CDH23: variants seen among roughly 807,000 people sequenced by gnomAD.
CDH23 encodes the protein cadherin related 23.
CDH23 carries 189 observed loss-of-function variants against 317.1 expected under a neutral mutation model. The ratio of observed to expected loss-of-function variants is 0.60; its 90% CI spans 0.53 to 0.67. The LOEUF (loss-of-function observed/expected upper bound fraction) is 0.67. Among genes scored for constraint, CDH23 ranks in the 30% least tolerant of loss-of-function variants. The pLI is 0.00. For missense variants in CDH23, 4,401 were observed against 4,592.4 expected (o/e 0.96, Z 1.20); for synonymous variants, 1,839 against 1,876.8 (o/e 0.98, Z 0.52).
intron 32 of CDH23, 68 bp downstream of exon 32, chr10:71,732,443 G>A (rs1379634240): frequency 6.5e-7 from 1 of 1,541,106 alleles, no homozygotes; most frequent in Non-Finnish European, 8.8e-7. Context: ...CTCCTTCTGT[G>A]TGCACAGCAC....
intron 22 of CDH23, 109 bp from the exon 23 acceptor site, chr10:71,701,913 A>C: frequency 8.5e-7 from 1 of 1,170,508 alleles, no homozygotes; most frequent in Non-Finnish European, 1.2e-6. Context: ...GGCCAGAGCC[A>C]GGATGTCCCC....
chr10:71,724,197 C>A, intron 29 of CDH23, 92 bp downstream of exon 29: 1 of 1,362,698 alleles, frequency 7.3e-7, no homozygotes, highest in Non-Finnish European at 1.0e-6. Context: ...GAGATGAGGC[C>A]AAGAGAACCC....
In CDH23 at chr10:71,583,425, C is replaced by G. The variant is rs116788020; in HGVS notation, c.832+5433C>G. Among the ~76,000 whole-genome samples the G allele has an allele frequency of 9.8e-3, 1,483 of 151,912 alleles. 26 individuals carry two copies. Among genetic ancestry groups the G allele is most frequent in the African/African-American group, 0.034 (1,413 of 41,390 alleles). On this transcript the variant is annotated intron_variant, in intron 9 of 69. Transcript: ENST00000224721. Reference sequence around the variant, plus strand: ...TTGCGTTTGGGAAGCCCACTGTGGTCAAGGTGGAGCAGACAGGTTGGGGGA... The same window carrying G: ...TTGCGTTTGGGAAGCCCACTGTGGTGAAGGTGGAGCAGACAGGTTGGGGGA...
intron 28 of CDH23, chr10:71,716,609 C>A: frequency 2.6e-6 from 1 of 379,854 alleles, no homozygotes; most frequent in Admixed American, 4.2e-5. Flanking sequence ...GACAAGAGGG[C>A]GGTGGCCTGT....
In CDH23 at chr10:71,609,951, CGTGTGTGTGT is replaced by C. The variant is rs34311857; in HGVS notation, c.833-5517_833-5508del. Among the ~76,000 whole-genome samples the C allele has an allele frequency of 4.0e-3, 578 of 142,868 alleles. 4 individuals carry two copies. The highest frequency in any genetic ancestry group is 0.019 in the South Asian group (82 of 4,232). The allele number at this position is 142,868 out of a possible 152,430, so 93.7% of individuals were successfully genotyped here. ...TTTCCAGAATGTGTAAGGACTCCCC[CGTGTGTGTGT>C]GTGTGTGTGTGTGTGTGTGTGTGTG... On this transcript the variant is annotated intron_variant, in intron 9 of 69. Transcript: ENST00000224721.
intron 3 of CDH23, among the ~76,000 whole-genome samples, chr10:71,489,534 T>C (rs191059524): frequency 1.6e-4 from 24 of 152,248 alleles, no homozygotes; most frequent in Admixed American, 1.4e-3. Context: ...ATCTGAACTA[T>C]TTGAGGGCCT....
intron 6 of CDH23, among the ~76,000 whole-genome samples, chr10:71,555,845 C>G (rs1296368517): frequency 6.6e-6 from 1 of 152,152 alleles, no homozygotes; most frequent in African/African-American, 2.4e-5. Flanking sequence ...TCTGATGAGA[C>G]TCCACCTAGC....
chr10:71,761,835 G>A (rs751445086), intron 38 of CDH23: 44 of 1,614,016 alleles, frequency 2.7e-5, no homozygotes, highest in South Asian at 2.6e-4. Flanking sequence ...TGGAACGTGA[G>A]GTTGCGGATG....
intron 8 of CDH23, among the ~76,000 whole-genome samples, chr10:71,571,788 C>T (rs1200273469): frequency 6.6e-6 from 1 of 152,242 alleles, no homozygotes; most frequent in Non-Finnish European, 1.5e-5. Context: ...TGAGAGAACT[C>T]AGTGTGCTTA....
At chr10:71,777,441 G>A (rs1027710417) in intron 38 of CDH23, among the ~76,000 whole-genome samples, 6 of 151,934 alleles carry the variant, frequency 3.9e-5, no homozygotes, top group African/African-American at 7.3e-5. Context: ...GCTGGGGGTC[G>A]CAGACATAGG....
chr10:71,809,960 C>T lies in CDH23; in HGVS notation c.8863C>T (p.Gln2955Ter). The change falls in exon 61 of 70, where the codon CAG becomes TAG. Residue 2955 changes from glutamine to a stop codon, truncating the protein, a stop_gained. Coordinates refer to ENST00000224721, the MANE Select transcript of CDH23 (RefSeq NM_022124.6). LOFTEE classifies it high-confidence loss of function. ...CGGCATCTACATCCTGAGGGACGAC[C>T]AGCGCGTCAAGATCGTCATTAACGA... ...IIGIYILRDD[Q>*]RVKIVINEIP... is the part of the protein sequence containing the mutation. The T allele has an allele frequency of 6.2e-7, 1 of 1,612,348 alleles. No individual in the cohort carries two copies. Among genetic ancestry groups the T allele is most frequent in the Non-Finnish European group, 8.5e-7 (1 of 1,179,884 alleles).
chr10:71,718,529 A>G (rs925259190), intron 28 of CDH23, among the ~76,000 whole-genome samples: 1 of 152,228 alleles, frequency 6.6e-6, no homozygotes, highest in Non-Finnish European at 1.5e-5. Context: ...CCTTTCCTTG[A>G]GTCTGAGCAG....
At chr10:71,618,750 C>T (rs1861320517) in intron 11 of CDH23, among the ~76,000 whole-genome samples, 1 of 152,144 alleles carries the variant, frequency 6.6e-6, no homozygotes, top group African/African-American at 2.4e-5. Flanking sequence ...GGCAGCTCCT[C>T]TCAACCAGAC....
rs1491280315 is a variant in CDH23, at chr10:71,759,888, TAC to T, written c.4846-17782_4846-17781del. 2.7e-4 allele frequency among the ~76,000 whole-genome samples: 8 copies of T among 30,016 alleles called. 2 individuals are homozygous for T. The highest frequency in any genetic ancestry group is 7.8e-4 in the Admixed American group (2 of 2,572). The allele number at this position is 30,016 out of a possible 152,430, so 19.7% of individuals were successfully genotyped here. ...ACATATATATACACACACACACATA[TAC>T]ACACACACATATATACACACACACA... On this transcript the variant is annotated intron_variant, in intron 38 of 69. Coordinates refer to ENST00000224721, the MANE Select transcript of CDH23 (RefSeq NM_022124.6).
At chr10:71,618,817 G>C (rs553664609) in intron 11 of CDH23, among the ~76,000 whole-genome samples, 5 of 151,950 alleles carry the variant, frequency 3.3e-5, no homozygotes, top group African/African-American at 1.2e-4. Flanking sequence ...ATGTGCCTGT[G>C]TGTGTGCTCA....
intron 6 of CDH23, among the ~76,000 whole-genome samples, chr10:71,539,584 G>A (rs541469034): frequency 1.3e-5 from 2 of 151,980 alleles, no homozygotes; most frequent in Admixed American, 1.3e-4. Flanking sequence ...AACCCAATTT[G>A]TTCCTGCTGT....
At chr10:71,682,012 G>A (rs188503035) in intron 17 of CDH23, among the ~76,000 whole-genome samples, 18 of 152,140 alleles carry the variant, frequency 1.2e-4, no homozygotes, top group African/African-American at 2.2e-4. Context: ...CCAGACTGAC[G>A]GGGAAAATCC....
intron 28 of CDH23, among the ~76,000 whole-genome samples, chr10:71,720,108 C>A (rs899508904): frequency 2.0e-5 from 3 of 152,218 alleles, no homozygotes; most frequent in African/African-American, 7.2e-5. Flanking sequence ...CAGTGCCTGC[C>A]AGCCACCAGG....
intron 9 of CDH23, among the ~76,000 whole-genome samples, chr10:71,610,170 A>G (rs1860789686): frequency 6.6e-6 from 1 of 152,094 alleles, no homozygotes; most frequent in South Asian, 2.1e-4. Flanking sequence ...TGCCCGGCTA[A>G]TTTTTATATT....
Sources: gnomAD v4.1 joint callset for allele counts (sites outside exome capture counted in the v4.1 genomes callset) on GRCh38, gnomAD v4.1.1 for gene constraint, MANE v1.5 for transcripts, NCBI Gene and HGNC (gene_info 2026-07-23, HGNC 2026-07-21) for gene names.